Variants in CASTOR2 observed in about 807,000 individuals in gnomAD.
The protein encoded by CASTOR2 is GATS protein like 2.
Under a neutral mutation model 31.2 loss-of-function variants are expected in CASTOR2, and 8 were observed. The ratio of observed to expected loss-of-function variants is 0.26; its 90% CI spans 0.15 to 0.46. The LOEUF (loss-of-function observed/expected upper bound fraction) is 0.46, where lower values mean the gene tolerates loss of function less well. Ranked by LOEUF, CASTOR2 falls within the 20% of genes least tolerant of loss-of-function variation. The probability of loss-of-function intolerance (pLI) is 0.99; values close to 1 mark genes in which losing one functional copy is unlikely to be tolerated. For synonymous variants in CASTOR2, 162 were observed against 158.7 expected (o/e 1.02, Z -0.16); for missense variants, 216 against 382.1 (o/e 0.57, Z 3.62).
chr7:75,020,840 A>G (rs1804982135), intron 6 of CASTOR2, among the ~76,000 whole-genome samples: 1 of 151,828 alleles, frequency 6.6e-6, no homozygotes, highest in South Asian at 2.1e-4. Flanking sequence ...TCTGTCACCC[A>G]TGCTGGAGTG....
rs1805133169 is a variant in CASTOR2 at position 75,026,379 on chromosome 7, C to T, written c.*1680C>T. Reference sequence around the variant, plus strand: ...TAGTTATTGTATTTTTTAATAGAGACGGGATTTCGTAACATTGCTCAGGCT... The same window carrying T: ...TAGTTATTGTATTTTTTAATAGAGATGGGATTTCGTAACATTGCTCAGGCT... On this transcript the variant is annotated 3_prime_UTR_variant, in exon 9 of 9. Transcript: ENST00000616305. 2.0e-5 allele frequency among the ~76,000 whole-genome samples: 3 copies of T among 151,924 alleles called. No homozygotes were observed. The highest frequency in any genetic ancestry group is 2.9e-5 in the Non-Finnish European group (2 of 67,938).
chr7:74,998,372 G>T (rs1235999851), intron 1 of CASTOR2, among the ~76,000 whole-genome samples: 11 of 152,176 alleles, frequency 7.2e-5, no homozygotes, highest in Admixed American at 6.5e-4. Flanking sequence ...GGGAGGCTGA[G>T]GTGGGTGGAT....
Position 75,018,854 on chromosome 7 carries a change from A to G in CASTOR2, c.512-118A>G, listed in dbSNP as rs2131954949. On this transcript the variant is annotated intron_variant, in intron 4 of 8. Coordinates refer to ENST00000616305, the MANE Select transcript of CASTOR2 (RefSeq NM_001145064.3). The stretch of plus-strand genomic sequence containing the variant: ...GTAGAGGCTGGAGAAGCAGCGGTGA[A>G]TGAGTCTCTTGGGGCCTGCAGCTGA... The G allele has an allele frequency of 3.4e-6, 5 of 1,492,034 alleles. No homozygotes were observed. In the East Asian group the frequency reaches 9.9e-5, roughly 29 times the overall value. 92.4% of individuals were successfully genotyped at this position (1,492,034 alleles called of 1,614,324 possible). A position where few individuals can be genotyped will look rare whatever the true frequency, so the allele number is the denominator to read the frequency against.
At chr7:75,014,877 C>G (rs1804832464) in intron 2 of CASTOR2, among the ~76,000 whole-genome samples, 1 of 152,252 alleles carries the variant, frequency 6.6e-6, no homozygotes, top group African/African-American at 2.4e-5. Flanking sequence ...GTACACTTCA[C>G]CACCTCGGAG....
At chr7:74,967,236 C>G (rs1472091344) in intron 1 of CASTOR2, among the ~76,000 whole-genome samples, 1 of 100,020 alleles carries the variant, frequency 1.0e-5, no homozygotes, top group African/African-American at 3.1e-5. Context: ...GCTCACACTT[C>G]GTCCGTCTGT....
chr7:74,977,881 G>A (rs1232734347), intron 1 of CASTOR2, among the ~76,000 whole-genome samples: 2 of 150,902 alleles, frequency 1.3e-5, no homozygotes, highest in Non-Finnish European at 3.0e-5. Flanking sequence ...GTCTCACTAT[G>A]TTGCCCAGGC....
At position 75,026,749 on chromosome 7, in the gene CASTOR2, G is replaced by C. The variant is rs1805146224; in HGVS notation, c.*2050G>C. Among the ~76,000 whole-genome samples the C allele has an allele frequency of 1.3e-5, 2 of 152,056 alleles. No individual in the cohort carries two copies. Among genetic ancestry groups the C allele is most frequent in the Non-Finnish European group, 2.9e-5 (2 of 68,022 alleles). On this transcript the variant is annotated 3_prime_UTR_variant, in exon 9 of 9. Coordinates refer to ENST00000616305, the MANE Select transcript of CASTOR2 (RefSeq NM_001145064.3). The stretch of plus-strand genomic sequence containing the variant: ...GTCCCAAAAGGGAGGTGGCCAAGTG[G>C]GGCAGGGCTGTGGTGGAAGCCCTGA...
intron 1 of CASTOR2, among the ~76,000 whole-genome samples, chr7:74,976,530 GTCT>G (rs1428287853): frequency 1.6e-5 from 1 of 62,540 alleles, no homozygotes; most frequent in Non-Finnish European, 3.1e-5. Flanking sequence ...ATGAGACCCT[GTCT>G]CCTCCTCCTC....
intron 2 of CASTOR2, among the ~76,000 whole-genome samples, chr7:75,016,672 G>C (rs1429232796): frequency 6.6e-6 from 1 of 152,138 alleles, no homozygotes. Flanking sequence ...GGCAGCATCA[G>C]ACCCACAAAA....
chr7:75,007,776 G>T (rs1254601084), intron 1 of CASTOR2: 2 of 669,824 alleles, frequency 3.0e-6, no homozygotes, highest in Admixed American at 2.4e-5. Context: ...GATTGCGGGG[G>T]TATAGTGGGG....
intron 1 of CASTOR2, among the ~76,000 whole-genome samples, chr7:74,979,173 T>A (rs1475749564): frequency 1.5e-4 from 22 of 151,452 alleles, no homozygotes; most frequent in African/African-American, 4.6e-4. Context: ...CTCAAAAAAA[T>A]AAAAATAAAA....
intron 4 of CASTOR2, 124 bp downstream of exon 4, chr7:75,018,246 C>T (rs1354266561): frequency 5.3e-6 from 8 of 1,518,880 alleles, no homozygotes; most frequent in Admixed American, 2.0e-5. Context: ...CCAGGCAGAA[C>T]GGGATGCAAA....
chr7:74,974,535 G>GA, intron 1 of CASTOR2, among the ~76,000 whole-genome samples: 1 of 148,464 alleles, frequency 6.7e-6, no homozygotes, highest in East Asian at 2.0e-4. Context: ...CATTCCTTCA[G>GA]AAGCCCTGGC....
In CASTOR2 at chr7:75,012,734, G is replaced by T. The variant is rs1355129077; in HGVS notation, c.184+4670G>T. On this transcript the variant is annotated intron_variant, in intron 2 of 8. Coordinates refer to ENST00000616305, the MANE Select transcript of CASTOR2 (RefSeq NM_001145064.3). ...GCTCACTGCAACCTCCACCTCCTGG[G>T]TTCAAGCGATTCTCCTGCCTCAGCC... Among the ~76,000 whole-genome samples the T allele has an allele frequency of 5.1e-4, 77 of 151,832 alleles. 1 individual carries two copies. Among genetic ancestry groups the T allele is most frequent in the Admixed American group, 5.1e-3 (77 of 15,232 alleles).
chr7:74,993,805 A>G (rs1804270966), intron 1 of CASTOR2, among the ~76,000 whole-genome samples: 1 of 151,844 alleles, frequency 6.6e-6, no homozygotes, highest in South Asian at 2.1e-4. Flanking sequence ...CAGATTAAAA[A>G]AAAAAAAAAA....
At chr7:75,017,920 G>A in intron 3 of CASTOR2, 70 bp from the exon 4 acceptor site, 2 of 1,613,808 alleles carry the variant, frequency 1.2e-6, no homozygotes, top group South Asian at 2.2e-5. Flanking sequence ...CTCAGGGTGA[G>A]AGGTCGGTGC....
At position 75,029,017 on chromosome 7, in the gene CASTOR2, C is replaced by T. The variant is rs1805222879; in HGVS notation, c.*4318C>T. 6.6e-6 allele frequency among the ~76,000 whole-genome samples: 1 copy of T among 152,226 alleles called. No individual in the cohort carries two copies. Among genetic ancestry groups the T allele is most frequent in the South Asian group, 2.1e-4 (1 of 4,836 alleles). ...GGAAGCAGCAGCGTAGCCAGGGTGA[C>T]ATTTGTTCAGCAGGAGGAGGCTTGG... On this transcript the variant is annotated 3_prime_UTR_variant, in exon 9 of 9. Transcript: ENST00000616305.
chr7:75,018,448 A>G (rs1804915678), intron 4 of CASTOR2, among the ~76,000 whole-genome samples: 1 of 152,192 alleles, frequency 6.6e-6, no homozygotes, highest in Admixed American at 6.5e-5. Flanking sequence ...CCGAGGCAGG[A>G]GAATCACTTG....
At chr7:75,021,555 C>G (rs1805001111) in intron 6 of CASTOR2, among the ~76,000 whole-genome samples, 1 of 152,286 alleles carries the variant, frequency 6.6e-6, no homozygotes, top group African/African-American at 2.4e-5. Flanking sequence ...TGAACCGCAG[C>G]CCCGGTGCTA....
Sources: gnomAD v4.1 joint callset for allele counts (sites outside exome capture counted in the v4.1 genomes callset) on GRCh38, gnomAD v4.1.1 for gene constraint, MANE v1.5 for transcripts, NCBI Gene and HGNC (gene_info 2026-07-23, HGNC 2026-07-21) for gene names.